Variants in ZC3H7A observed in about 807,000 individuals in gnomAD.
ZC3H7A encodes zinc finger CCCH-type containing 7A, also known as zinc finger CCCH domain-containing protein 7A.
Under a neutral mutation model 125.5 loss-of-function variants are expected in ZC3H7A, and 44 were observed. The observed-to-expected ratio is 0.35, with a 90% CI of 0.28 to 0.45. ZC3H7A has a LOEUF of 0.45. ZC3H7A is among the 20% of genes least tolerant of loss of function. ZC3H7A has a pLI of 1.00. For missense variants in ZC3H7A, 977 were observed against 1,170.7 expected (o/e 0.83, Z 2.41); for synonymous variants, 399 against 391.2 (o/e 1.02, Z -0.23).
At chr16:11,760,138 A>AAAAAAAAAAG (rs1567374763) in intron 19 of ZC3H7A, among the ~76,000 whole-genome samples, 2 of 145,598 alleles carry the variant, frequency 1.4e-5, no homozygotes, top group African/African-American at 5.0e-5. Flanking sequence ...AAAAAAAAAA[A>AAAAAAAAAAG]AAAAAAAGAA....
chr16:11,769,710 C>CAAAAAAA (rs529124830), intron 10 of ZC3H7A, among the ~76,000 whole-genome samples: 1,183 of 32,524 alleles, frequency 0.036, 147 homozygotes, highest in Non-Finnish European at 0.049. Flanking sequence ...GACTCTGTCT[C>CAAAAAAA]AAAAAAAAAA....
At chr16:11,796,680 G>A (rs1360324592) in intron 1 of ZC3H7A, among the ~76,000 whole-genome samples, 1 of 152,116 alleles carries the variant, frequency 6.6e-6, no homozygotes, top group Non-Finnish European at 1.5e-5. Flanking sequence ...ATCAGAAAGG[G>A]GGGTAAAAAA....
At chr16:11,770,657 ATTT>A (rs1330945042) in intron 10 of ZC3H7A, 123 bp downstream of exon 10, 8 of 975,028 alleles carry the variant, frequency 8.2e-6, no homozygotes, top group Non-Finnish European at 1.0e-5. Flanking sequence ...TAGTCTTTAT[ATTT>A]TTAGCTACAA....
intron 19 of ZC3H7A, chr16:11,758,785 C>T: frequency 2.4e-6 from 1 of 413,414 alleles, no homozygotes. Context: ...GGAACATTTT[C>T]TTACAAGAAA....
At chr16:11,771,837 G>C (rs2052988463) in intron 9 of ZC3H7A, among the ~76,000 whole-genome samples, 1 of 152,056 alleles carries the variant, frequency 6.6e-6, no homozygotes, top group South Asian at 2.1e-4. Context: ...TTACATTCAT[G>C]TTTCATCTGC....
At chr16:11,783,803 G>T (rs1345601940) in intron 1 of ZC3H7A, among the ~76,000 whole-genome samples, 1 of 152,150 alleles carries the variant, frequency 6.6e-6, no homozygotes, top group Non-Finnish European at 1.5e-5. Context: ...AAGTATAAGG[G>T]TGAGATGGGG....
At chr16:11,768,741 T>G (rs2052914231) in intron 11 of ZC3H7A, among the ~76,000 whole-genome samples, 1 of 152,206 alleles carries the variant, frequency 6.6e-6, no homozygotes, top group Non-Finnish European at 1.5e-5. Flanking sequence ...TAAGTTCTAC[T>G]GCAAAAGTAC....
intron 18 of ZC3H7A, 193 bp from the exon 19 acceptor site, chr16:11,761,704 T>C (rs950143500): frequency 4.2e-5 from 36 of 850,940 alleles, no homozygotes; most frequent in Admixed American, 3.5e-4. Flanking sequence ...TCTAAACAAA[T>C]TGATAAAATA....
chr16:11,776,523 C>A lies in ZC3H7A; in HGVS notation c.475G>T (p.Val159Leu). ...GCTAGTTCTTGAGTTAGTTTTATTA[C>A]ATGCTCATCCTGAAAAAAATAAGTA... ...CSLAVPQDEH[V>L]IKLTQELAQK... Residue 159 changes from valine to leucine, a missense_variant, in exon 6 of 23, where the codon GTA becomes TTA. Transcript: ENST00000355758. 1 of 1,606,566 alleles carries A rather than the reference C, an allele frequency of 6.2e-7. No individual in the cohort carries two copies. The highest frequency in any genetic ancestry group is 8.5e-7 in the Non-Finnish European group (1 of 1,177,706).
chr16:11,767,269 C>T (rs1019403158), intron 13 of ZC3H7A, 148 bp downstream of exon 13: 10 of 609,136 alleles, frequency 1.6e-5, no homozygotes, highest in South Asian at 7.9e-5. Flanking sequence ...CTAGGTGCGT[C>T]GTCGGCTACA....
At chr16:11,774,948 T>G (rs1193101276) in intron 8 of ZC3H7A, 32 bp downstream of exon 8, 1 of 1,612,026 alleles carries the variant, frequency 6.2e-7, no homozygotes, top group South Asian at 1.1e-5. Context: ...CTGGCACTAT[T>G]CAAATTGTTA....
intron 19 of ZC3H7A, 80 bp from the exon 20 acceptor site, chr16:11,758,619 GCATT>G: frequency 1.0e-6 from 1 of 963,036 alleles, no homozygotes; most frequent in South Asian, 1.4e-5. Flanking sequence ...AGCAAAAGAA[GCATT>G]ATTATCCATG....
In ZC3H7A at chr16:11,756,149, G is replaced by A. The variant is rs187514327; in HGVS notation, c.2562+88C>T. On this transcript the variant is annotated intron_variant, in intron 21 of 22. Transcript: ENST00000355758. ...CTGCACTCCAGCCTGGTGACACAAC[G>A]AGACTCCATCTCAAAAAAAAGAAAA... The A allele has an allele frequency of 8.1e-5, 123 of 1,526,880 alleles. 1 individual carries two copies. In the East Asian group the frequency reaches 2.2e-3, roughly 28 times the overall value. The allele number at this position is 1,526,880 out of a possible 1,614,324, so 94.6% of individuals were successfully genotyped here. A position where few individuals can be genotyped will look rare whatever the true frequency, so the allele number is the denominator to read the frequency against.
chr16:11,761,036 A>G (rs1048274965), intron 19 of ZC3H7A, among the ~76,000 whole-genome samples: 3 of 152,244 alleles, frequency 2.0e-5, no homozygotes, highest in Non-Finnish European at 4.4e-5. Context: ...ACTCATCAAT[A>G]GCATTCATAA....
At chr16:11,782,597 TATTC>T in intron 1 of ZC3H7A, 1 of 323,542 alleles carries the variant, frequency 3.1e-6, no homozygotes, top group Non-Finnish European at 5.6e-6. Flanking sequence ...ACCGTTTTCA[TATTC>T]TTTTTTTTTT....
At chr16:11,760,061 G>C (rs531681978) in intron 19 of ZC3H7A, among the ~76,000 whole-genome samples, 5 of 150,236 alleles carry the variant, frequency 3.3e-5, no homozygotes, top group African/African-American at 1.2e-4. Flanking sequence ...GGAGGTGGAG[G>C]CTGCGGTGAG....
chr16:11,774,371 T>C lies in ZC3H7A; in HGVS notation c.768A>G (p.Pro256=), dbSNP rs370185519. ...TTCCTCCATTTGCCAGCACTGCAGA[T>C]GGCAGAGCGCTCTCTTCCACTTGTA... ...LPLQVEESAL[P]SAVLANGGKM... Residue 256 remains proline, a synonymous_variant, in exon 9 of 23, where the codon CCA becomes CCG. Transcript: ENST00000355758. 12 of 1,613,958 alleles carry C rather than the reference T, an allele frequency of 7.4e-6. No individual in the cohort carries two copies. The African/African-American group carries it at 1.3e-4, about 18-fold the overall frequency.
At chr16:11,780,184 C>T (rs1191958974) in intron 3 of ZC3H7A, among the ~76,000 whole-genome samples, 2 of 150,798 alleles carry the variant, frequency 1.3e-5, no homozygotes, top group Admixed American at 6.6e-5. Context: ...TGCAGTGGCA[C>T]GATCTCGGCT....
At position 11,782,443 on chromosome 16, in the gene ZC3H7A, A is replaced by ATG; in HGVS notation, c.-34-57_-34-56dup. 5 of 1,430,838 alleles carry ATG rather than the reference A, an allele frequency of 3.5e-6. No individual in the cohort carries two copies. The Admixed American group carries it at 8.4e-5, about 24-fold the overall frequency. The allele number at this position is 1,430,838 out of a possible 1,614,324, so 88.6% of individuals were successfully genotyped here. A position where few individuals can be genotyped will look rare whatever the true frequency, so the allele number is the denominator to read the frequency against. ...AAGGTACCAGGGTCCCTGGACTCCA[A>ATG]TGAAAACACCCACAAATCCAGACCT... On this transcript the variant is annotated intron_variant, in intron 1 of 22. Coordinates refer to ENST00000355758, the MANE Select transcript of ZC3H7A (RefSeq NM_014153.4).
Sources: allele counts gnomAD v4.1 joint callset (sites outside exome capture counted in the v4.1 genomes callset), GRCh38; gene constraint gnomAD v4.1.1; transcripts MANE v1.5; gene names NCBI Gene and HGNC (gene_info 2026-07-23, HGNC 2026-07-21).